Variants in RUFY3 observed in about 807,000 individuals in gnomAD.
RUFY3 encodes RUN and FYVE domain containing 3.
RUFY3 carries 34 observed loss-of-function variants against 84.0 expected under a neutral mutation model. The observed-to-expected ratio is 0.40, with a 90% CI of 0.31 to 0.54. RUFY3 has a LOEUF of 0.54. Among genes scored for constraint, RUFY3 ranks in the 20% least tolerant of loss-of-function variants. The probability of loss-of-function intolerance (pLI) is 0.39; values close to 1 mark genes in which losing one functional copy is unlikely to be tolerated. For synonymous variants in RUFY3, 242 were observed against 252.9 expected (o/e 0.96, Z 0.41); for missense variants, 507 against 736.8 (o/e 0.69, Z 3.61).
intron 1 of RUFY3, among the ~76,000 whole-genome samples, chr4:70,731,224 A>G (rs1349324640): frequency 6.6e-6 from 1 of 151,528 alleles, no homozygotes; most frequent in Non-Finnish European, 1.5e-5. Context: ...TTTAGTAAAG[A>G]AGGGGTTTCA....
intron 12 of RUFY3, chr4:70,791,112 ATGACTT>A: frequency 3.6e-6 from 3 of 831,112 alleles, no homozygotes; most frequent in Non-Finnish European, 3.8e-6. Flanking sequence ...AAAGAGAATA[ATGACTT>A]ATCTCTTTGA....
intron 1 of RUFY3, chr4:70,741,697 C>T (rs1311839179): frequency 6.9e-7 from 1 of 1,453,700 alleles, no homozygotes; most frequent in Non-Finnish European, 9.0e-7. Flanking sequence ...GCCACACCAA[C>T]ATCTTTCAGC....
At chr4:70,727,977 A>G (rs1455595856) in intron 1 of RUFY3, among the ~76,000 whole-genome samples, 4 of 152,178 alleles carry the variant, frequency 2.6e-5, no homozygotes, top group East Asian at 1.9e-4. Flanking sequence ...TTAGAAATGT[A>G]TATGTTAATA....
At chr4:70,778,287 T>C in intron 7 of RUFY3, 82 bp from the exon 8 acceptor site, 1 of 586,114 alleles carries the variant, frequency 1.7e-6, no homozygotes, top group Non-Finnish European at 3.0e-6. Flanking sequence ...CAATGAAGGA[T>C]AAGTGTGAAG....
intron 10 of RUFY3, among the ~76,000 whole-genome samples, chr4:70,787,187 A>AAAAAAATATATAT (rs1553920475): frequency 1.2e-5 from 1 of 81,476 alleles, no homozygotes; most frequent in African/African-American, 5.2e-5. Flanking sequence ...AAAAAAAAAA[A>AAAAAAATATATAT]ATATATATAT....
intron 14 of RUFY3, among the ~76,000 whole-genome samples, chr4:70,796,758 T>G (rs1399845538): frequency 6.6e-6 from 1 of 152,170 alleles, no homozygotes; most frequent in African/African-American, 2.4e-5. Context: ...TGAGTTATCC[T>G]TTTGTAAACT....
At chr4:70,750,577 C>A (rs1306168180) in intron 1 of RUFY3, among the ~76,000 whole-genome samples, 1 of 152,110 alleles carries the variant, frequency 6.6e-6, no homozygotes, top group Non-Finnish European at 1.5e-5. Context: ...TTAAAGTGTA[C>A]AATTCAGTGG....
chr4:70,705,116 G>A lies in RUFY3; in HGVS notation c.180G>A (p.Pro60=), dbSNP rs1053656747. 3.1e-5 allele frequency: 45 copies of A among 1,428,760 alleles called. No homozygotes were observed. In the Admixed American group the frequency reaches 3.5e-4, roughly 11 times the overall value. The allele number at this position is 1,428,760 out of a possible 1,614,324, so 88.5% of individuals were successfully genotyped here. A position where few individuals can be genotyped will look rare whatever the true frequency, so the allele number is the denominator to read the frequency against. The change falls in exon 1 of 12, where the codon CCG becomes CCA. Residue 60 remains proline, a synonymous_variant. Transcript: ENST00000417478. The stretch of plus-strand genomic sequence containing the variant: ...CCGGGCAGTCGGAGCCCGACTCGCC[G>A]GTGGCCGCCCCCTTCTTCCTGCTGT...
At chr4:70,744,344 C>T (rs1036296327) in intron 1 of RUFY3, among the ~76,000 whole-genome samples, 3 of 149,006 alleles carry the variant, frequency 2.0e-5, no homozygotes, top group African/African-American at 7.7e-5. Context: ...TGTGCCATCA[C>T]ACCTGGCTAA....
intron 7 of RUFY3, among the ~76,000 whole-genome samples, chr4:70,776,426 A>G (rs1399642098): frequency 6.6e-6 from 1 of 152,080 alleles, no homozygotes; most frequent in African/African-American, 2.4e-5. Flanking sequence ...TTGTCCTTAA[A>G]TGACTATGGC....
At chr4:70,709,367 A>G (rs563837752) in intron 1 of RUFY3, among the ~76,000 whole-genome samples, 17 of 152,346 alleles carry the variant, frequency 1.1e-4, no homozygotes, top group African/African-American at 3.8e-4. Context: ...AATGTTTCAT[A>G]ATACATAAGT....
At chr4:70,776,632 C>T (rs1179934760) in intron 7 of RUFY3, among the ~76,000 whole-genome samples, 1 of 152,046 alleles carries the variant, frequency 6.6e-6, no homozygotes, top group African/African-American at 2.4e-5. Context: ...AAAAATTAGC[C>T]GGGCGTGGTA....
At chr4:70,723,541 C>G (rs72654396) in intron 1 of RUFY3, among the ~76,000 whole-genome samples, 1 of 152,246 alleles carries the variant, frequency 6.6e-6, no homozygotes, top group South Asian at 2.1e-4. Context: ...TTCCAGGACT[C>G]TTGCTAATTT....
At chr4:70,733,536 G>A (rs1719804470) in intron 1 of RUFY3, among the ~76,000 whole-genome samples, 1 of 152,154 alleles carries the variant, frequency 6.6e-6, no homozygotes, top group Non-Finnish European at 1.5e-5. Context: ...TGTATGTACT[G>A]TATATTTATC....
upstream of RUFY3, chr4:70,704,538 G>GC: frequency 6.2e-6 from 1 of 161,766 alleles, no homozygotes; most frequent in East Asian, 1.8e-4. Flanking sequence ...ACAGGGCCCA[G>GC]CGGGGGCGGG....
intron 1 of RUFY3, among the ~76,000 whole-genome samples, chr4:70,746,096 C>T (rs1227832368): frequency 1.3e-5 from 2 of 151,880 alleles, no homozygotes; most frequent in African/African-American, 4.8e-5. Context: ...GTAATCCTAG[C>T]ACTTTGGGAT....
intron 6 of RUFY3, among the ~76,000 whole-genome samples, chr4:70,774,086 G>A (rs980580263): frequency 1.3e-5 from 2 of 152,126 alleles, no homozygotes; most frequent in Non-Finnish European, 2.9e-5. Context: ...GAGATCAGAA[G>A]CACATCTATT....
chr4:70,717,581 GTGTGTGTGTGTGTGTT>G (rs1367490592), upstream of RUFY3, among the ~76,000 whole-genome samples: 1 of 150,878 alleles, frequency 6.6e-6, no homozygotes, highest in African/African-American at 2.4e-5. Flanking sequence ...GAGACTTTGC[GTGTGTGTGTGTGTGTT>G]TGTGTGTGTG....
chr4:70,793,005 C>T (rs758746501), intron 12 of RUFY3: 18 of 985,014 alleles, frequency 1.8e-5, no homozygotes, highest in African/African-American at 5.2e-5. Context: ...ACATAGCATG[C>T]GTTTAAATTC....
Sources: gnomAD v4.1 joint callset for allele counts (sites outside exome capture counted in the v4.1 genomes callset) on GRCh38, gnomAD v4.1.1 for gene constraint, MANE v1.5 for transcripts, NCBI Gene and HGNC (gene_info 2026-07-23, HGNC 2026-07-21) for gene names.